The following CDH13 variants were observed in gnomAD, a reference collection of about 807,000 sequenced individuals.
The protein encoded by CDH13 is cadherin 13.
In CDH13, 24 loss-of-function variants were observed where a neutral mutation model predicts 63.8. That is an observed-to-expected ratio of 0.38 (90% CI 0.27 to 0.53). The LOEUF (loss-of-function observed/expected upper bound fraction) is 0.53, where lower values mean the gene tolerates loss of function less well. Among genes scored for constraint, CDH13 ranks in the 20% least tolerant of loss-of-function variants. The pLI is 0.85. For missense variants in CDH13, 1,049 were observed against 903.1 expected, an observed-to-expected ratio of 1.16 and a Z score of -2.07; for synonymous variants, 503 against 355.3, an observed-to-expected ratio of 1.42 and a Z score of -4.67.
intron 5 of CDH13, among the ~76,000 whole-genome samples, chr16:83,311,522 A>G (rs193140789): frequency 2.0e-5 from 3 of 152,276 alleles, no homozygotes; most frequent in Admixed American, 6.5e-5. Flanking sequence ...TTGTATATAC[A>G]TATATATTCA....
chr16:83,459,544 C>G (rs772557142), intron 6 of CDH13, among the ~76,000 whole-genome samples: 2 of 152,156 alleles, frequency 1.3e-5, no homozygotes, highest in Admixed American at 1.3e-4. Context: ...TATCTTGAAG[C>G]AAGCTAACTA....
chr16:83,278,534 C>T (rs772518318), intron 5 of CDH13, among the ~76,000 whole-genome samples: 5 of 152,114 alleles, frequency 3.3e-5, no homozygotes, highest in Admixed American at 1.3e-4. Context: ...GCTATCAACC[C>T]GGCATCACTA....
At chr16:83,688,660 AAC>A (rs775247073) in intron 10 of CDH13, among the ~76,000 whole-genome samples, 2 of 152,172 alleles carry the variant, frequency 1.3e-5, no homozygotes, top group East Asian at 1.9e-4. Flanking sequence ...TAAGTCAACA[AAC>A]ACAGAGTTTG....
chr16:83,070,867 C>T (rs972307428), intron 3 of CDH13, among the ~76,000 whole-genome samples: 5 of 140,126 alleles, frequency 3.6e-5, no homozygotes, highest in East Asian at 2.3e-4. Flanking sequence ...CCCCCCCCCC[C>T]CAAATATCAA....
At chr16:82,850,806 A>T (rs2039451390) in intron 1 of CDH13, among the ~76,000 whole-genome samples, 1 of 152,196 alleles carries the variant, frequency 6.6e-6, no homozygotes, top group Non-Finnish European at 1.5e-5. Flanking sequence ...GCAAAAAGAC[A>T]ACCACTTGTT....
intron 3 of CDH13, among the ~76,000 whole-genome samples, chr16:83,105,802 G>A (rs1189536982): frequency 1.3e-5 from 2 of 152,190 alleles, no homozygotes; most frequent in East Asian, 1.9e-4. Flanking sequence ...CCATTGTCAT[G>A]TGTGTGTATG....
intron 8 of CDH13, among the ~76,000 whole-genome samples, chr16:83,657,278 A>G (rs565202115): frequency 6.6e-6 from 1 of 152,332 alleles, no homozygotes; most frequent in South Asian, 2.1e-4. Context: ...TCCTGAGCCA[A>G]GTGTCCTGGC....
At chr16:83,676,444 A>G (rs1419732281) in intron 9 of CDH13, among the ~76,000 whole-genome samples, 2 of 152,074 alleles carry the variant, frequency 1.3e-5, no homozygotes, top group Non-Finnish European at 2.9e-5. Context: ...CCTAATTGAG[A>G]TGAATAGCTG....
At chr16:82,721,303 C>T (rs1012214689) in intron 1 of CDH13, among the ~76,000 whole-genome samples, 2 of 152,140 alleles carry the variant, frequency 1.3e-5, no homozygotes, top group Admixed American at 6.5e-5. Flanking sequence ...AGTATTTACA[C>T]ACATGATGTG....
intron 2 of CDH13, among the ~76,000 whole-genome samples, chr16:82,937,053 T>C (rs908600520): frequency 6.6e-6 from 1 of 152,178 alleles, no homozygotes; most frequent in Non-Finnish European, 1.5e-5. Flanking sequence ...TCATGCATCA[T>C]TAAACAGAGG....
At chr16:83,496,046 G>A (rs1444246087) in intron 7 of CDH13, among the ~76,000 whole-genome samples, 4 of 151,170 alleles carry the variant, frequency 2.6e-5, no homozygotes, top group Non-Finnish European at 4.4e-5. Context: ...CATGCTCATG[G>A]GTAGGAAGAA....
intron 6 of CDH13, among the ~76,000 whole-genome samples, chr16:83,471,878 T>TA (rs145453250): frequency 4.3e-4 from 66 of 152,346 alleles, no homozygotes; most frequent in African/African-American, 1.5e-3. Flanking sequence ...TGAGGCTTAA[T>TA]ATTGAGTTAA....
chr16:82,945,276 A>C (rs561218182), intron 2 of CDH13, among the ~76,000 whole-genome samples: 6 of 152,192 alleles, frequency 3.9e-5, no homozygotes, highest in Non-Finnish European at 8.8e-5. Flanking sequence ...ACAATATGGA[A>C]ACAAATGGGT....
intron 6 of CDH13, among the ~76,000 whole-genome samples, chr16:83,433,139 T>C (rs2072177580): frequency 6.6e-6 from 1 of 152,186 alleles, no homozygotes; most frequent in Non-Finnish European, 1.5e-5. Flanking sequence ...TGCCAGATAC[T>C]AGACTAGACA....
chr16:83,293,945 A>T (rs773054207), intron 5 of CDH13, among the ~76,000 whole-genome samples: 18 of 152,204 alleles, frequency 1.2e-4, no homozygotes, highest in Admixed American at 6.5e-5. Context: ...ATAACTTTTC[A>T]TACAGGTATT....
At chr16:83,154,682 C>G (rs904777924) in intron 4 of CDH13, among the ~76,000 whole-genome samples, 1 of 152,120 alleles carries the variant, frequency 6.6e-6, no homozygotes, top group Non-Finnish European at 1.5e-5. Flanking sequence ...CTAAGCAACT[C>G]TCAGGTACCA....
intron 2 of CDH13, among the ~76,000 whole-genome samples, chr16:82,964,512 A>G (rs890881941): frequency 6.6e-6 from 1 of 152,328 alleles, no homozygotes; most frequent in South Asian, 2.1e-4. Context: ...AGGGCCACAC[A>G]GGTTTTCTTT....
At chr16:83,329,684 C>T (rs1443757164) in intron 5 of CDH13, among the ~76,000 whole-genome samples, 1 of 152,112 alleles carries the variant, frequency 6.6e-6, no homozygotes, top group African/African-American at 2.4e-5. Context: ...ACCCTTTGCC[C>T]CCTTTCTGTG....
chr16:83,490,780 C>T (rs1163402373), intron 7 of CDH13, among the ~76,000 whole-genome samples: 1 of 152,210 alleles, frequency 6.6e-6, no homozygotes, highest in African/African-American at 2.4e-5. Flanking sequence ...ATTTCTTCCC[C>T]TTCCATATCT....
Sources: allele counts gnomAD v4.1 joint callset (sites outside exome capture counted in the v4.1 genomes callset), GRCh38; gene constraint gnomAD v4.1.1; transcripts MANE v1.5; gene names NCBI Gene and HGNC (gene_info 2026-07-23, HGNC 2026-07-21).